MYRIP: variants seen among roughly 807,000 people sequenced by gnomAD.
MYRIP encodes the protein rab effector MyRIP.
In MYRIP, 49 loss-of-function variants were observed where a neutral mutation model predicts 98.0. The ratio of observed to expected loss-of-function variants is 0.50; its 90% CI spans 0.40 to 0.63. MYRIP has a LOEUF of 0.63. Ranked by LOEUF, MYRIP falls within the 30% of genes least tolerant of loss-of-function variation. MYRIP has a pLI of 0.00. For synonymous variants in MYRIP, 404 were observed against 409.5 expected (o/e 0.99, Z 0.16); for missense variants, 1,004 against 1,058.2 (o/e 0.95, Z 0.71).
chr3:40,223,667 T>C (rs1355281369), intron 11 of MYRIP, among the ~76,000 whole-genome samples: 1 of 152,226 alleles, frequency 6.6e-6, no homozygotes. Context: ...GATGTTGAAC[T>C]TCTCTTGTGA....
chr3:40,128,367 T>G (rs1949564238), intron 3 of MYRIP, among the ~76,000 whole-genome samples: 1 of 152,230 alleles, frequency 6.6e-6, no homozygotes, highest in African/African-American at 2.4e-5. Context: ...GGTGGTGATC[T>G]GGACAACATA....
chr3:40,259,089 A>G lies in MYRIP; in HGVS notation c.*923A>G, dbSNP rs1396296642. 6.6e-6 allele frequency: 1 copy of G among 152,250 alleles called. No homozygotes were observed. 9.4% of individuals were successfully genotyped at this position (152,250 alleles called of 1,614,324 possible). On this transcript the variant is annotated 3_prime_UTR_variant, in exon 17 of 17. Coordinates refer to ENST00000302541, the MANE Select transcript of MYRIP (RefSeq NM_015460.4). ...TTTTGTACTCCAAATTTACTTCCCAATAAATATTCAGCAAAGTAGTAAAAT... is the reference window on the plus strand; with the variant it reads ...TTTTGTACTCCAAATTTACTTCCCAGTAAATATTCAGCAAAGTAGTAAAAT...
chr3:40,081,233 T>C (rs1371946222), intron 3 of MYRIP, among the ~76,000 whole-genome samples: 2 of 152,182 alleles, frequency 1.3e-5, no homozygotes, highest in East Asian at 3.8e-4. Context: ...CAGTGTCTTA[T>C]GTATGATCTT....
chr3:40,249,145 G>A (rs1953292290), intron 13 of MYRIP, among the ~76,000 whole-genome samples: 1 of 152,164 alleles, frequency 6.6e-6, no homozygotes. Context: ...AATTGTGGAG[G>A]GCTGAGAGGC....
At chr3:40,192,840 T>C (rs542633279) in intron 10 of MYRIP, among the ~76,000 whole-genome samples, 248 of 152,220 alleles carry the variant, frequency 1.6e-3, no homozygotes, top group Non-Finnish European at 2.4e-3. Flanking sequence ...AGCTGAGTCA[T>C]TGTATATAGA....
Position 40,259,081 on chromosome 3 carries a change from A to G in MYRIP, c.*915A>G, listed in dbSNP as rs1953690186. The G allele has an allele frequency of 6.6e-6, 1 of 152,242 alleles. No homozygotes were observed. Among genetic ancestry groups the G allele is most frequent in the South Asian group, 2.1e-4 (1 of 4,834 alleles). 9.4% of individuals were successfully genotyped at this position (152,242 alleles called of 1,614,324 possible). A position where few individuals can be genotyped will look rare whatever the true frequency, so the allele number is the denominator to read the frequency against. On this transcript the variant is annotated 3_prime_UTR_variant, in exon 17 of 17. Coordinates refer to ENST00000302541, the MANE Select transcript of MYRIP (RefSeq NM_015460.4). Reference sequence around the variant, plus strand: ...GAGAAAATTTTTGTACTCCAAATTTACTTCCCAATAAATATTCAGCAAAGT... The same window carrying G: ...GAGAAAATTTTTGTACTCCAAATTTGCTTCCCAATAAATATTCAGCAAAGT...
intron 1 of MYRIP, among the ~76,000 whole-genome samples, chr3:39,860,780 A>G (rs988913030): frequency 5.3e-5 from 8 of 152,120 alleles, no homozygotes; most frequent in African/African-American, 9.7e-5. Context: ...CCCCACATCA[A>G]TTCACTAGTG....
intron 2 of MYRIP, among the ~76,000 whole-genome samples, chr3:39,935,205 G>A (rs368302380): frequency 2.6e-5 from 4 of 152,262 alleles, no homozygotes; most frequent in South Asian, 2.1e-4. Context: ...GTTCAGGGAC[G>A]GGGCAGATAA....
intron 3 of MYRIP, among the ~76,000 whole-genome samples, chr3:40,130,567 A>C (rs2125917933): frequency 6.6e-6 from 1 of 151,660 alleles, no homozygotes; most frequent in Non-Finnish European, 1.5e-5. Flanking sequence ...TTTTTAGTAG[A>C]GACGGGGTTT....
intron 1 of MYRIP, among the ~76,000 whole-genome samples, chr3:39,898,232 A>G (rs1943660569): frequency 6.6e-6 from 1 of 152,134 alleles, no homozygotes; most frequent in Non-Finnish European, 1.5e-5. Flanking sequence ...TGGACTGACA[A>G]TTTACTTTTG....
intron 3 of MYRIP, among the ~76,000 whole-genome samples, chr3:40,145,041 A>G (rs1949981601): frequency 2.6e-5 from 4 of 152,294 alleles, no homozygotes; most frequent in African/African-American, 7.2e-5. Context: ...CTTATTATTT[A>G]TGTTATATTA....
intron 2 of MYRIP, among the ~76,000 whole-genome samples, chr3:39,947,096 A>G (rs186509943): frequency 6.6e-5 from 10 of 152,332 alleles, no homozygotes; most frequent in Admixed American, 5.9e-4. Context: ...AACAGTTTTA[A>G]TACTAAGAGA....
intron 4 of MYRIP, among the ~76,000 whole-genome samples, chr3:40,157,482 T>C (rs1403672077): frequency 9.3e-5 from 14 of 151,228 alleles, no homozygotes; most frequent in Middle Eastern, 3.5e-3. Context: ...TCTGCCCGGC[T>C]TTGGTATCAG....
At chr3:40,054,961 C>G (rs1370096787) in intron 3 of MYRIP, among the ~76,000 whole-genome samples, 12 of 152,184 alleles carry the variant, frequency 7.9e-5, no homozygotes. Flanking sequence ...CTGAGAGGGC[C>G]ACATTTTTTG....
chr3:39,849,246 A>G (rs1034542308), intron 1 of MYRIP, among the ~76,000 whole-genome samples: 1 of 152,220 alleles, frequency 6.6e-6, no homozygotes, highest in Non-Finnish European at 1.5e-5. Context: ...CCCATATTCC[A>G]GTACCAATGG....
rs55637614 is a variant in MYRIP at position 40,245,913 on chromosome 3, ATT to A, written c.2262+1324_2262+1325del. Among the ~76,000 whole-genome samples the A allele has an allele frequency of 4.1e-3, 471 of 115,602 alleles. 1 individual carries two copies. Among genetic ancestry groups the A allele is most frequent in the Non-Finnish European group, 5.9e-3 (346 of 58,668 alleles). 75.8% of individuals were successfully genotyped at this position (115,602 alleles called of 152,430 possible). On this transcript the variant is annotated intron_variant, in intron 13 of 16. Transcript: ENST00000302541. ...AAGTGCACGCCACCACACCCAGCTA[ATT>A]TTTTTTTTTTTTTTTTTGTATTTTT... is the stretch of plus-strand genomic sequence containing the variant.
chr3:39,978,059 C>T (rs1182153335), intron 2 of MYRIP, among the ~76,000 whole-genome samples: 3 of 152,084 alleles, frequency 2.0e-5, no homozygotes, highest in African/African-American at 2.4e-5. Context: ...ACCTGATATA[C>T]GAATTTACTG....
intron 1 of MYRIP, among the ~76,000 whole-genome samples, chr3:39,883,008 T>G (rs577506210): frequency 1.3e-5 from 2 of 152,072 alleles, no homozygotes; most frequent in African/African-American, 2.4e-5. Flanking sequence ...ATTGTAGAGA[T>G]AAAAAGATAC....
intron 3 of MYRIP, among the ~76,000 whole-genome samples, chr3:40,089,587 G>C (rs1559396200): frequency 6.6e-6 from 1 of 152,120 alleles, no homozygotes; most frequent in Non-Finnish European, 1.5e-5. Context: ...ATTTGACTGA[G>C]ACTCAAAAAA....
Sources: gnomAD v4.1 joint callset for allele counts (sites outside exome capture counted in the v4.1 genomes callset) on GRCh38, gnomAD v4.1.1 for gene constraint, MANE v1.5 for transcripts, NCBI Gene and HGNC (gene_info 2026-07-23, HGNC 2026-07-21) for gene names.